CSMD3: variants seen among roughly 807,000 people sequenced by gnomAD.
CSMD3 encodes CUB and sushi domain-containing protein 3.
A neutral mutation model predicts 435.2 loss-of-function variants in CSMD3; 177 were observed. The observed-to-expected ratio is 0.41, with a 90% CI of 0.36 to 0.46. The LOEUF (loss-of-function observed/expected upper bound fraction) is 0.46, where lower values mean the gene tolerates loss of function less well. CSMD3 is among the 20% of genes least tolerant of loss of function. The pLI is 0.34. For missense variants in CSMD3, 4,265 were observed against 4,504.6 expected (o/e 0.95, Z 1.52); for synonymous variants, 1,656 against 1,520.5 (o/e 1.09, Z -2.07).
At chr8:112,256,764 C>T (rs1815845237) in intron 61 of CSMD3, among the ~76,000 whole-genome samples, 1 of 152,158 alleles carries the variant, frequency 6.6e-6, no homozygotes, top group South Asian at 2.1e-4. Context: ...AAGCTTACTT[C>T]CCTCTGAAGC....
chr8:112,920,676 A>T (rs1216610131), intron 10 of CSMD3, among the ~76,000 whole-genome samples: 1 of 151,844 alleles, frequency 6.6e-6, no homozygotes, highest in East Asian at 1.9e-4. Context: ...TTGACTTATA[A>T]TCAGGTGTTT....
At chr8:113,415,946 T>C (rs2094580113) in intron 1 of CSMD3, among the ~76,000 whole-genome samples, 3 of 152,140 alleles carry the variant, frequency 2.0e-5, no homozygotes. Flanking sequence ...CTATATGCTA[T>C]ACACTCTTCA....
At chr8:112,734,356 G>T (rs2077139928) in intron 13 of CSMD3, among the ~76,000 whole-genome samples, 1 of 151,576 alleles carries the variant, frequency 6.6e-6, no homozygotes, top group Non-Finnish European at 1.5e-5. Flanking sequence ...ACAATGGAGT[G>T]GTTATGAGTT....
intron 22 of CSMD3, among the ~76,000 whole-genome samples, chr8:112,633,984 T>C (rs2074586903): frequency 6.6e-6 from 1 of 152,070 alleles, no homozygotes; most frequent in Non-Finnish European, 1.5e-5. Context: ...CAGCAAACTT[T>C]TGAAATACAA....
At chr8:113,015,763 A>G (rs151273494) in intron 6 of CSMD3, among the ~76,000 whole-genome samples, 235 of 151,978 alleles carry the variant, frequency 1.5e-3, no homozygotes, top group African/African-American at 5.5e-3. Flanking sequence ...AGTGTTATCT[A>G]AAACTCCCCT....
intron 6 of CSMD3, among the ~76,000 whole-genome samples, chr8:113,004,407 C>T (rs576531061): frequency 6.6e-6 from 1 of 152,108 alleles, no homozygotes; most frequent in Non-Finnish European, 1.5e-5. Context: ...GTCATCTACA[C>T]ACACAAAGGT....
At chr8:112,411,306 T>C (rs1811318791) in intron 32 of CSMD3, among the ~76,000 whole-genome samples, 1 of 151,900 alleles carries the variant, frequency 6.6e-6, no homozygotes, top group Non-Finnish European at 1.5e-5. Context: ...TTTTAAGTGT[T>C]AATAATTTGT....
chr8:113,336,969 T>C (rs536479889), intron 1 of CSMD3, among the ~76,000 whole-genome samples: 12 of 152,194 alleles, frequency 7.9e-5, no homozygotes, highest in African/African-American at 2.9e-4. Context: ...TGGATAAGGG[T>C]GGAAGCCACA....
At chr8:113,225,292 C>G (rs897050542) in intron 3 of CSMD3, among the ~76,000 whole-genome samples, 2 of 151,368 alleles carry the variant, frequency 1.3e-5, no homozygotes, top group Non-Finnish European at 3.0e-5. Context: ...CTGAAAATAT[C>G]CAGAAAGAAC....
intron 4 of CSMD3, among the ~76,000 whole-genome samples, chr8:113,135,852 A>G (rs2091404114): frequency 6.6e-6 from 1 of 151,812 alleles, no homozygotes; most frequent in Non-Finnish European, 1.5e-5. Flanking sequence ...AATTTGAATT[A>G]AGCCTTAAAA....
At chr8:112,617,494 A>G (rs1282713897) in intron 22 of CSMD3, among the ~76,000 whole-genome samples, 1 of 152,196 alleles carries the variant, frequency 6.6e-6, no homozygotes, top group African/African-American at 2.4e-5. Context: ...ATTCAAGCAC[A>G]TTAGTAAAGT....
chr8:113,376,869 C>A, intron 1 of CSMD3: 2 of 1,610,530 alleles, frequency 1.2e-6, no homozygotes, highest in Non-Finnish European at 1.7e-6. Context: ...CCCGGATGAT[C>A]TGGAAGATGA....
chr8:112,534,612 T>A (rs62516499), intron 27 of CSMD3, among the ~76,000 whole-genome samples: 1 of 152,000 alleles, frequency 6.6e-6, no homozygotes, highest in African/African-American at 2.4e-5. Context: ...CAAGGAGGAA[T>A]TGGTACCATT....
chr8:112,261,011 T>C (rs752209737), intron 61 of CSMD3, among the ~76,000 whole-genome samples: 1 of 152,172 alleles, frequency 6.6e-6, no homozygotes, highest in African/African-American at 2.4e-5. Context: ...TTGGATGTTA[T>C]ATGAACTGCA....
At chr8:112,594,650 C>A (rs896403353) in intron 22 of CSMD3, among the ~76,000 whole-genome samples, 10 of 152,314 alleles carry the variant, frequency 6.6e-5, no homozygotes, top group East Asian at 1.9e-4. Flanking sequence ...GTTCTCCCAG[C>A]ACGCAGCTGG....
intron 1 of CSMD3, among the ~76,000 whole-genome samples, chr8:113,335,656 A>G (rs983706183): frequency 4.8e-4 from 71 of 146,654 alleles, no homozygotes; most frequent in African/African-American, 1.6e-3. Flanking sequence ...AATGTTAATT[A>G]CATCCTGTTG....
rs116421232 is a variant in CSMD3, at chr8:113,008,607, C to T, written c.1030+10460G>A. 4.2e-3 allele frequency among the ~76,000 whole-genome samples: 631 copies of T among 151,560 alleles called. 5 individuals are homozygous for T. Among genetic ancestry groups the T allele is most frequent in the African/African-American group, 0.015 (606 of 41,412 alleles). On this transcript the variant is annotated intron_variant, in intron 6 of 70. Transcript: ENST00000297405. Reference sequence around the variant, plus strand: ...GTAGTGAAAAATACTTTTCATTACACACAACTTTATTGTTTTATAGGCTAC... The same window carrying T: ...GTAGTGAAAAATACTTTTCATTACATACAACTTTATTGTTTTATAGGCTAC...
chr8:112,792,678 T>A (rs2078720742), intron 13 of CSMD3, among the ~76,000 whole-genome samples: 1 of 152,188 alleles, frequency 6.6e-6, no homozygotes, highest in Admixed American at 6.5e-5. Context: ...TAGCTTTAGC[T>A]CTTAAACTTA....
chr8:113,263,074 T>A (rs1175387110), intron 3 of CSMD3, among the ~76,000 whole-genome samples: 1 of 152,132 alleles, frequency 6.6e-6, no homozygotes, highest in East Asian at 1.9e-4. Context: ...AAAGGCACAA[T>A]ATAATACTGC....
Sources: allele counts gnomAD v4.1 joint callset (sites outside exome capture counted in the v4.1 genomes callset), GRCh38; gene constraint gnomAD v4.1.1; transcripts MANE v1.5; gene names NCBI Gene and HGNC (gene_info 2026-07-23, HGNC 2026-07-21).